Variants in GALNT16 observed in about 807,000 individuals in gnomAD.
GALNT16 encodes the protein polypeptide N-acetylgalactosaminyltransferase 16.
Under a neutral mutation model 76.1 loss-of-function variants are expected in GALNT16, and 40 were observed. That is an observed-to-expected ratio of 0.53 (90% CI 0.41 to 0.68). The LOEUF is 0.68. GALNT16 is among the 30% of genes least tolerant of loss of function. The pLI, the probability that GALNT16 is intolerant of heterozygous loss-of-function variation, is 0.00. For synonymous variants in GALNT16, 276 were observed against 285.2 expected (o/e 0.97, Z 0.32); for missense variants, 621 against 731.9 (o/e 0.85, Z 1.75).
At chr14:69,360,044 T>A (rs202116027), downstream of GALNT16, among the ~76,000 whole-genome samples, 1 of 148,850 alleles carries the variant, frequency 6.7e-6, no homozygotes. Context: ...TAAAATAAAA[T>A]AAAGAAAAAA....
Position 69,347,963 on chromosome 14 carries a change from A to C in GALNT16, c.1500A>C (p.Pro500=). 3 of 1,614,068 alleles carry C rather than the reference A, an allele frequency of 1.9e-6. No individual in the cohort carries two copies. Among genetic ancestry groups the C allele is most frequent in the Non-Finnish European group, 2.5e-6 (3 of 1,179,980 alleles). ...CCTTAATGTCCTCCCCTGGATCCCC[A>C]GTCATACTGCAGATGTGCAACCCTA... ...TSTLMSSPGS[P]VILQMCNPRE... is the part of the protein sequence containing the mutation. The change falls in exon 14 of 15, where the codon CCA becomes CCC. Residue 500 remains proline, a synonymous_variant. Coordinates refer to ENST00000448469, the MANE Select transcript of GALNT16 (RefSeq NM_001168368.2).
intron 1 of GALNT16, among the ~76,000 whole-genome samples, chr14:69,302,162 G>T (rs1044608973): frequency 2.6e-5 from 4 of 152,088 alleles, no homozygotes; most frequent in Non-Finnish European, 5.9e-5. Flanking sequence ...GAGAATTAAT[G>T]ATGTTAAAGT....
chr14:69,378,475 G>A, the GALNT16 span, among the ~76,000 whole-genome samples: 1,795 of 152,286 alleles, frequency 0.012, 72 homozygotes, highest in Admixed American at 0.072. Flanking sequence ...CAAGGACAGT[G>A]GTTGTACCTA....
intron 1 of GALNT16, among the ~76,000 whole-genome samples, chr14:69,306,356 C>A (rs2044933466): frequency 6.6e-6 from 1 of 152,076 alleles, no homozygotes; most frequent in Admixed American, 6.6e-5. Flanking sequence ...TGGGAAAGAC[C>A]CCTAAAATTG....
downstream of GALNT16, chr14:69,356,927 G>C (rs553281915): frequency 3.9e-5 from 6 of 152,260 alleles, 1 homozygote; most frequent in South Asian, 1.2e-3. Flanking sequence ...ACTCATAGCC[G>C]TAAAGGATTT....
At chr14:69,284,926 C>T (rs1366621590) in intron 1 of GALNT16, among the ~76,000 whole-genome samples, 1 of 152,104 alleles carries the variant, frequency 6.6e-6, no homozygotes, top group South Asian at 2.1e-4. Flanking sequence ...CTGTGAAGGA[C>T]GTGTTTGCTT....
intron 2 of GALNT16, among the ~76,000 whole-genome samples, chr14:69,323,450 C>T (rs1389987673): frequency 2.0e-5 from 3 of 152,300 alleles, no homozygotes; most frequent in Admixed American, 6.5e-5. Context: ...GTCACTGTCC[C>T]GATTCCCTCC....
At position 69,322,972 on chromosome 14, in the gene GALNT16, GTGTGTGTGTGCGCGCGCA is replaced by G. The variant is rs1266480026; in HGVS notation, c.336-1719_336-1702del. On this transcript the variant is annotated intron_variant, in intron 2 of 14. Transcript: ENST00000448469. Reference sequence around the variant, plus strand: ...TGTGTGTGTGTGTGTGTGTGTGTGTGTGTGTGTGTGCGCGCGCACGCGCGCACGCATGCACACGTGTAG... The same window carrying G: ...TGTGTGTGTGTGTGTGTGTGTGTGTGCGCGCGCACGCATGCACACGTGTAG... Among the ~76,000 whole-genome samples the G allele has an allele frequency of 1.7e-3, 119 of 69,742 alleles. 1 individual carries two copies. Among genetic ancestry groups the G allele is most frequent in the Admixed American group, 7.9e-3 (51 of 6,434 alleles). The allele number at this position is 69,742 out of a possible 152,430, so 45.8% of individuals were successfully genotyped here.
intron 1 of GALNT16, among the ~76,000 whole-genome samples, chr14:69,297,943 T>G (rs2044791627): frequency 6.6e-6 from 1 of 152,224 alleles, no homozygotes; most frequent in Non-Finnish European, 1.5e-5. Context: ...AAACAGTTTG[T>G]TGGTCGGTAC....
chr14:69,301,887 G>A (rs1011718844), intron 1 of GALNT16, among the ~76,000 whole-genome samples: 2 of 152,178 alleles, frequency 1.3e-5, no homozygotes, highest in African/African-American at 2.4e-5. Flanking sequence ...CTACTCGGGA[G>A]GCTGAGGCAG....
rs1239622713 is a variant in GALNT16, at chr14:69,285,038, C to CTTTTTTTTT, written c.177+24572_177+24573insTTTTTTTTT. 2.3e-5 allele frequency among the ~76,000 whole-genome samples: 3 copies of CTTTTTTTTT among 130,460 alleles called. 1 individual carries two copies. Among genetic ancestry groups the CTTTTTTTTT allele is most frequent in the Admixed American group, 8.6e-5 (1 of 11,614 alleles). The allele number at this position is 130,460 out of a possible 152,430, so 85.6% of individuals were successfully genotyped here. A position where few individuals can be genotyped will look rare whatever the true frequency, so the allele number is the denominator to read the frequency against. On this transcript the variant is annotated intron_variant, in intron 1 of 14. Coordinates refer to ENST00000448469, the MANE Select transcript of GALNT16 (RefSeq NM_001168368.2). ...TTTATATGTTACCCAGTCTCGGGCA[C>CTTTTTTTTT]TCTTTTTTTTTTTTTTTTTTGAGAC... is the stretch of plus-strand genomic sequence containing the variant.
chr14:69,338,539 G>T, intron 9 of GALNT16, 112 bp from the exon 10 acceptor site: 1 of 1,476,732 alleles, frequency 6.8e-7, no homozygotes, highest in South Asian at 1.3e-5. Flanking sequence ...CAGGAGCCCC[G>T]ACCCCAACAT....
chr14:69,311,636 C>T (rs2045021902), intron 1 of GALNT16, among the ~76,000 whole-genome samples: 1 of 152,184 alleles, frequency 6.6e-6, no homozygotes. Context: ...TAGTCACAAA[C>T]CACAGGTAAT....
At chr14:69,337,064 C>T (rs1275680) in intron 9 of GALNT16, among the ~76,000 whole-genome samples, 107,921 of 152,062 alleles carry the variant, frequency 0.71, 39,005 homozygotes, top group Non-Finnish European at 0.79. Flanking sequence ...TGTTTACTTG[C>T]ATTTTTTTGC....
chr14:69,375,466 C>T, the GALNT16 span, among the ~76,000 whole-genome samples: 1 of 152,102 alleles, frequency 6.6e-6, no homozygotes, highest in African/African-American at 2.4e-5. Context: ...ATTCTTTGTT[C>T]TGGGGTCCTG....
Position 69,320,727 on chromosome 14 carries a change from C to T in GALNT16, c.194C>T (p.Ser65Leu), listed in dbSNP as rs984809988. ...TIPLIVTGTP[S>L]KGFDEKAYLS... ...TCATCTCAGGTGACAGGAACTCCCTCGAAAGGCTTTGATGAGAAGGCCTAC... is the reference window on the plus strand; with the variant it reads ...TCATCTCAGGTGACAGGAACTCCCTTGAAAGGCTTTGATGAGAAGGCCTAC... Residue 65 changes from serine (S) to leucine (L), a missense_variant, in exon 2 of 15, where the codon TCG (serine) becomes TTG (leucine). Ser to Leu is a moderately radical substitution (Grantham distance 145). Coordinates refer to ENST00000448469, the MANE Select transcript of GALNT16 (RefSeq NM_001168368.2). 5.0e-6 allele frequency: 8 copies of T among 1,613,916 alleles called. No individual in the cohort carries two copies. The highest frequency in any genetic ancestry group is 2.2e-5 in the South Asian group (2 of 91,052).
intron 2 of GALNT16, among the ~76,000 whole-genome samples, chr14:69,323,376 C>T (rs902888168): frequency 2.0e-5 from 3 of 152,154 alleles, no homozygotes; most frequent in African/African-American, 7.2e-5. Context: ...TGGAGGGAGC[C>T]GGTGGGGAGG....
At chr14:69,309,277 T>A (rs1158781011) in intron 1 of GALNT16, among the ~76,000 whole-genome samples, 1 of 151,748 alleles carries the variant, frequency 6.6e-6, no homozygotes, top group Non-Finnish European at 1.5e-5. Flanking sequence ...TTCATCTTTC[T>A]TTCTTTCTTC....
chr14:69,285,649 G>C (rs1310002775), intron 1 of GALNT16, among the ~76,000 whole-genome samples: 1 of 152,126 alleles, frequency 6.6e-6, no homozygotes, highest in African/African-American at 2.4e-5. Flanking sequence ...TTGTAGCTGG[G>C]GCTGTGGCAG....
Sources: gnomAD v4.1 joint callset for allele counts (sites outside exome capture counted in the v4.1 genomes callset) on GRCh38, gnomAD v4.1.1 for gene constraint, MANE v1.5 for transcripts, NCBI Gene and HGNC (gene_info 2026-07-23, HGNC 2026-07-21) for gene names.